The following CDON variants were observed in gnomAD, a reference collection of about 807,000 sequenced individuals.
CDON encodes the protein cell adhesion molecule-related/down-regulated by oncogenes.
A neutral mutation model predicts 120.9 loss-of-function variants in CDON; 73 were observed. The observed-to-expected ratio is 0.60, with a 90% CI of 0.50 to 0.73. CDON has a LOEUF of 0.73. Among genes scored for constraint, CDON ranks in the 30% least tolerant of loss-of-function variants. The pLI, the probability that CDON is intolerant of heterozygous loss-of-function variation, is 0.00. For missense variants in CDON, 1,470 were observed against 1,587.3 expected (o/e 0.93, Z 1.26); for synonymous variants, 566 against 573.5 (o/e 0.99, Z 0.19).
intron 18 of CDON, among the ~76,000 whole-genome samples, chr11:125,968,861 C>A (rs1207901668): frequency 6.6e-6 from 1 of 152,132 alleles, no homozygotes; most frequent in Non-Finnish European, 1.5e-5. Flanking sequence ...TAGTTCAATT[C>A]CAGATGTCTA....
intron 7 of CDON, among the ~76,000 whole-genome samples, chr11:126,012,699 G>A (rs148690188): frequency 2.6e-5 from 4 of 151,658 alleles, no homozygotes; most frequent in East Asian, 1.9e-4. Flanking sequence ...GTGAGCCACC[G>A]CACCTGGCCA....
At position 125,957,310 on chromosome 11, in the gene CDON, G is replaced by T. The variant is rs1945512075; in HGVS notation, c.*3632C>A. On this transcript the variant is annotated 3_prime_UTR_variant, in exon 20 of 20. Transcript: ENST00000531738. Reference sequence around the variant, plus strand: ...TGATCTCTGCAGTCAGAACAGAGGGGTGTGCACAGGGGAGTTTCAGGGGAG... The same window carrying T: ...TGATCTCTGCAGTCAGAACAGAGGGTTGTGCACAGGGGAGTTTCAGGGGAG... 6.6e-6 allele frequency: 1 copy of T among 152,154 alleles called. No individual in the cohort carries two copies. The highest frequency in any genetic ancestry group is 6.5e-5 in the Admixed American group (1 of 15,280). The allele number at this position is 152,154 out of a possible 1,614,324, so 9.4% of individuals were successfully genotyped here. A position where few individuals can be genotyped will look rare whatever the true frequency, so the allele number is the denominator to read the frequency against.
intron 3 of CDON, among the ~76,000 whole-genome samples, chr11:126,020,449 T>A (rs540848073): frequency 2.0e-5 from 3 of 152,298 alleles, no homozygotes; most frequent in Admixed American, 1.3e-4. Flanking sequence ...GGGGACTCTT[T>A]ATTATCTCCA....
chr11:125,994,309 ACT>A lies in CDON; in HGVS notation c.2623_2624del (p.Ser875Ter). On this transcript the variant is annotated frameshift_variant, in exon 14 of 20. Coordinates refer to ENST00000531738, the MANE Select transcript of CDON (RefSeq NM_001378964.1). LOFTEE classifies it high-confidence loss of function. ...CTTCTACAACATCCCTCTTGTAATC[ACT>A]GTCATTGTCACTATCTGTTGGTCGG... is the stretch of plus-strand genomic sequence containing the variant. ...YYRPTDSDND[S>X]DYKRDVVEGS... is the part of the protein sequence containing the mutation. 6.3e-7 allele frequency: 1 copy of A among 1,597,772 alleles called. No homozygotes were observed. Among genetic ancestry groups the A allele is most frequent in the Non-Finnish European group, 8.6e-7 (1 of 1,165,278 alleles).
At chr11:125,986,923 G>C (rs1263706519) in intron 15 of CDON, among the ~76,000 whole-genome samples, 2 of 152,128 alleles carry the variant, frequency 1.3e-5, no homozygotes, top group Admixed American at 1.3e-4. Context: ...ATTGAAAGCT[G>C]GATGAACACT....
rs1478797279 is a variant in CDON at position 125,959,593 on chromosome 11, C to CAAAACAAACAAACAAAAAAAAACAA, written c.*1324_*1348dup. On this transcript the variant is annotated 3_prime_UTR_variant, in exon 20 of 20. Coordinates refer to ENST00000531738, the MANE Select transcript of CDON (RefSeq NM_001378964.1). The stretch of plus-strand genomic sequence containing the variant: ...ATCAGGAAATTTCAGGAAAAAAACC[C>CAAAACAAACAAACAAAAAAAAACAA]AAAACAAACAAACAAAAAAAAACAA... 1 of 149,738 alleles carries CAAAACAAACAAACAAAAAAAAACAA rather than the reference C, an allele frequency of 6.7e-6. No individual in the cohort carries two copies. Among genetic ancestry groups the CAAAACAAACAAACAAAAAAAAACAA allele is most frequent in the African/African-American group, 2.5e-5 (1 of 40,516 alleles). The allele number at this position is 149,738 out of a possible 1,614,324, so 9.3% of individuals were successfully genotyped here.
chr11:125,981,774 T>A (rs905756552), intron 16 of CDON, among the ~76,000 whole-genome samples: 36 of 152,020 alleles, frequency 2.4e-4, no homozygotes, highest in Non-Finnish European at 5.9e-5. Flanking sequence ...ATTATACTTC[T>A]AAGTGCTGAA....
At chr11:126,006,579 G>A (rs1947137724) in intron 8 of CDON, among the ~76,000 whole-genome samples, 1 of 152,054 alleles carries the variant, frequency 6.6e-6, no homozygotes, top group Admixed American at 6.5e-5. Context: ...GAGGTGGGAG[G>A]ATCACCTGAG....
chr11:126,060,422 C>T (rs1948769729), intron 1 of CDON, among the ~76,000 whole-genome samples: 1 of 152,138 alleles, frequency 6.6e-6, no homozygotes, highest in Non-Finnish European at 1.5e-5. Context: ...CACGTTAAAG[C>T]AACACATTTT....
chr11:126,027,969 C>CTTTTT (rs769832631), intron 1 of CDON, among the ~76,000 whole-genome samples: 9,762 of 124,772 alleles, frequency 0.078, 303 homozygotes, highest in Admixed American at 0.094. Flanking sequence ...ATCACTCTGC[C>CTTTTT]TTTTTTTTTT....
chr11:125,978,537 T>C (rs1384730495), intron 17 of CDON, among the ~76,000 whole-genome samples, 154 bp from the exon 18 acceptor site: 1 of 152,236 alleles, frequency 6.6e-6, no homozygotes, highest in East Asian at 1.9e-4. Flanking sequence ...GCAACGTCAT[T>C]GTGAATATCA....
In CDON at chr11:125,956,948, C is replaced by T. The variant is rs1222981019; in HGVS notation, c.*3994G>A. 2 of 775,668 alleles carry T rather than the reference C, an allele frequency of 2.6e-6. No homozygotes were observed. Among genetic ancestry groups the T allele is most frequent in the African/African-American group, 3.8e-5 (2 of 53,138 alleles). The allele number at this position is 775,668 out of a possible 1,614,324, so 48.0% of individuals were successfully genotyped here. The stretch of plus-strand genomic sequence containing the variant: ...GGAAATAAAATACAAAAGGGCCACA[C>T]CCGATGCAAAAGACTTTGCTGGCTT... On this transcript the variant is annotated 3_prime_UTR_variant, in exon 20 of 20. Transcript: ENST00000531738.
Position 125,981,970 on chromosome 11 carries a change from C to CT in CDON, c.2996-642dup, listed in dbSNP as rs61446837. 1.6e-3 allele frequency among the ~76,000 whole-genome samples: 87 copies of CT among 54,286 alleles called. 10 individuals carry two copies. The highest frequency in any genetic ancestry group is 4.1e-3 in the African/African-American group (51 of 12,434). The allele number at this position is 54,286 out of a possible 152,430, so 35.6% of individuals were successfully genotyped here. Reference sequence around the variant, plus strand: ...CAAAGGCAAAAAGTGATTCTATTTTCTTTTTTTTTTTTTTTTTTTTTTTTT... The same window carrying CT: ...CAAAGGCAAAAAGTGATTCTATTTTCTTTTTTTTTTTTTTTTTTTTTTTTTT... On this transcript the variant is annotated intron_variant, in intron 16 of 19. Coordinates refer to ENST00000531738, the MANE Select transcript of CDON (RefSeq NM_001378964.1).
At chr11:125,968,097 T>C (rs1371868643) in intron 18 of CDON, among the ~76,000 whole-genome samples, 2 of 151,838 alleles carry the variant, frequency 1.3e-5, no homozygotes, top group Admixed American at 6.6e-5. Context: ...AAAATTAAGA[T>C]ACAGGAAAAA....
In CDON at chr11:126,013,687, G is replaced by C. The variant is rs78859342; in HGVS notation, c.1198+1554C>G. Among the ~76,000 whole-genome samples, 501 of 151,708 alleles carry C rather than the reference G, an allele frequency of 3.3e-3. 5 individuals carry two copies. Among genetic ancestry groups the C allele is most frequent in the African/African-American group, 0.011 (458 of 41,372 alleles). On this transcript the variant is annotated intron_variant, in intron 7 of 19. Transcript: ENST00000531738. Reference sequence around the variant, plus strand: ...ATTTGTACCTTCTTTCTTTTCTTTGGATCATTTTCCCCAAAGATGTGTCCA... The same window carrying C: ...ATTTGTACCTTCTTTCTTTTCTTTGCATCATTTTCCCCAAAGATGTGTCCA...
chr11:126,008,288 G>C (rs966595634), intron 8 of CDON, among the ~76,000 whole-genome samples: 2 of 152,140 alleles, frequency 1.3e-5, no homozygotes, highest in African/African-American at 4.8e-5. Context: ...CAAATGACTT[G>C]TCAGGATGCT....
chr11:126,004,097 C>G (rs766337229), intron 9 of CDON, 21 bp from the exon 10 acceptor site: 2 of 1,612,562 alleles, frequency 1.2e-6, no homozygotes. Context: ...GAAAACACAC[C>G]AGAAAAGAAA....
intron 10 of CDON, 63 bp from the exon 11 acceptor site, chr11:126,001,913 A>C (rs1164532500): frequency 6.2e-6 from 8 of 1,292,108 alleles, no homozygotes; most frequent in Non-Finnish European, 9.0e-6. Flanking sequence ...TGGAAAAAAA[A>C]GAGTACTGTG....
rs751874778 is a variant in CDON, at chr11:126,028,833, G to GTATA, written c.-61-5300_-61-5297dup. ...TATGTGTATATGTATGTGTGTGTGT[G>GTATA]TATATATATATATATGTTACTTTTT... On this transcript the variant is annotated intron_variant, in intron 1 of 19. Coordinates refer to ENST00000531738, the MANE Select transcript of CDON (RefSeq NM_001378964.1). Among the ~76,000 whole-genome samples, 15 of 149,584 alleles carry GTATA rather than the reference G, an allele frequency of 1.0e-4. No homozygotes were observed. The East Asian group carries it at 2.9e-3, about 29-fold the overall frequency.
Sources: allele counts gnomAD v4.1 joint callset (sites outside exome capture counted in the v4.1 genomes callset), GRCh38; gene constraint gnomAD v4.1.1; transcripts MANE v1.5; gene names NCBI Gene and HGNC (gene_info 2026-07-23, HGNC 2026-07-21).